Variants in ABLIM1 observed in about 807,000 individuals in gnomAD.
The protein encoded by ABLIM1 is actin binding LIM protein 1.
In ABLIM1, 40 loss-of-function variants were observed where a neutral mutation model predicts 107.0. The observed-to-expected ratio is 0.37, with a 90% CI of 0.29 to 0.49. The LOEUF (loss-of-function observed/expected upper bound fraction) is 0.49, where lower values mean the gene tolerates loss of function less well. ABLIM1 is among the 20% of genes least tolerant of loss of function. The pLI, the probability that ABLIM1 is intolerant of heterozygous loss-of-function variation, is 0.97. For synonymous variants in ABLIM1, 357 were observed against 357.3 expected, an observed-to-expected ratio of 1.00 and a Z score of 0.01; for missense variants, 857 against 1,008.5, an observed-to-expected ratio of 0.85 and a Z score of 2.04.
At chr10:114,638,149 C>T (rs2140892625) in intron 1 of ABLIM1, among the ~76,000 whole-genome samples, 1 of 152,250 alleles carries the variant, frequency 6.6e-6, no homozygotes, top group East Asian at 1.9e-4. Context: ...TACACAAAGG[C>T]ACAAAGTAGG....
intron 7 of ABLIM1, among the ~76,000 whole-genome samples, chr10:114,491,012 G>GTGTGTGTGTGTGTATATATATA: frequency 3.2e-4 from 30 of 92,364 alleles, no homozygotes; most frequent in Middle Eastern, 5.7e-3. Flanking sequence ...GTGTGTGTGT[G>GTGTGTGTGTGTGTATATATATA]TATATATATA....
rs759881485 is a variant in ABLIM1, at chr10:114,465,857, A to G, written c.1312-30T>C. 14 of 1,612,696 alleles carry G rather than the reference A, an allele frequency of 8.7e-6. No homozygotes were observed. The African/African-American group carries it at 1.7e-4, about 20-fold the overall frequency. ...AAACAAAGTTCAACACATTCAGGCTATCACCATGCCTCAGTAGGAACCACG... is the reference window on the plus strand; with the variant it reads ...AAACAAAGTTCAACACATTCAGGCTGTCACCATGCCTCAGTAGGAACCACG... On this transcript the variant is annotated intron_variant, in intron 11 of 22. Coordinates refer to ENST00000533213, the MANE Select transcript of ABLIM1 (RefSeq NM_002313.7).
intron 1 of ABLIM1, among the ~76,000 whole-genome samples, chr10:114,711,158 T>C (rs996270200): frequency 5.3e-5 from 8 of 152,208 alleles, no homozygotes; most frequent in Admixed American, 3.3e-4. Flanking sequence ...GCAAAAGTCA[T>C]CTTATTTCTG....
At chr10:114,732,265 C>T (rs919242522) in intron 1 of ABLIM1, among the ~76,000 whole-genome samples, 26 of 148,658 alleles carry the variant, frequency 1.7e-4, no homozygotes, top group African/African-American at 6.2e-4. Context: ...CTCACTGCAA[C>T]CTCCACCTCC....
At position 114,491,855 on chromosome 10, in the gene ABLIM1, G is replaced by A. The variant is rs1345298142; in HGVS notation, c.918C>T (p.Pro306=). 22 of 1,609,656 alleles carry A rather than the reference G, an allele frequency of 1.4e-5. No individual in the cohort carries two copies. The highest frequency in any genetic ancestry group is 1.9e-5 in the Non-Finnish European group (22 of 1,176,650). ...TGCATCTGCTGCATCGTGCACAGCT[G>A]GGGTGGTAATGTTTGTCACCTGCCT... ...VLEAGDKHYH[P]SCARCSRCNQ... is the part of the protein sequence containing the mutation. The change falls in exon 7 of 23, where the codon CCC becomes CCT. Residue 306 remains proline (P), a synonymous_variant. Transcript: ENST00000533213.
intron 6 of ABLIM1, among the ~76,000 whole-genome samples, chr10:114,499,870 G>GT (rs1227582667): frequency 6.6e-6 from 1 of 152,162 alleles, no homozygotes; most frequent in African/African-American, 2.4e-5. Flanking sequence ...GCGTCTACTG[G>GT]TTTTTTCACC....
intron 1 of ABLIM1, chr10:114,765,090 A>G (rs1457130934): frequency 6.6e-6 from 1 of 152,006 alleles, no homozygotes; most frequent in African/African-American, 2.4e-5. Context: ...TTGGAGATGG[A>G]GTCTCGCTCT....
rs1232991998 is a variant in ABLIM1 at position 114,434,071 on chromosome 10, T to C, written c.*2189A>G. On this transcript the variant is annotated 3_prime_UTR_variant, in exon 23 of 23. Coordinates refer to ENST00000533213, the MANE Select transcript of ABLIM1 (RefSeq NM_002313.7). ...CACACTTTCCAGAGTAAAGCAAGGA[T>C]GAGGACACCCAGGCATTGTGCCAAG... 2 of 152,122 alleles carry C rather than the reference T, an allele frequency of 1.3e-5. No individual in the cohort carries two copies. The highest frequency in any genetic ancestry group is 2.9e-5 in the Non-Finnish European group (2 of 68,040). 9.4% of individuals were successfully genotyped at this position (152,122 alleles called of 1,614,324 possible).
upstream of ABLIM1, among the ~76,000 whole-genome samples, chr10:114,660,783 C>G (rs2079760196): frequency 6.6e-6 from 1 of 152,242 alleles, no homozygotes; most frequent in Non-Finnish European, 1.5e-5. Context: ...GAACATGATA[C>G]AGCCACTTTG....
chr10:114,498,444 C>G (rs1039226475), intron 6 of ABLIM1, among the ~76,000 whole-genome samples: 1 of 152,150 alleles, frequency 6.6e-6, no homozygotes, highest in Admixed American at 6.5e-5. Context: ...CTCCTGGGAA[C>G]AGAAAAAGAG....
chr10:114,684,425 A>G (rs1230839640), exon 1 of ABLIM1: 3 of 1,603,812 alleles, frequency 1.9e-6, no homozygotes, highest in East Asian at 4.5e-5. Flanking sequence ...ACACTCCTCA[A>G]AGGAGAGGCT....
chr10:114,634,378 C>T (rs1202914567), intron 1 of ABLIM1, among the ~76,000 whole-genome samples: 1 of 151,474 alleles, frequency 6.6e-6, no homozygotes, highest in Non-Finnish European at 1.5e-5. Context: ...GTGATCCGCC[C>T]GCCTCGGCCT....
At chr10:114,512,234 T>G (rs2061985954) in intron 6 of ABLIM1, among the ~76,000 whole-genome samples, 1 of 152,182 alleles carries the variant, frequency 6.6e-6, no homozygotes, top group Admixed American at 6.5e-5. Flanking sequence ...ATTAGCGAAC[T>G]GGGGAAAGAA....
upstream of ABLIM1, among the ~76,000 whole-genome samples, chr10:114,663,163 A>G (rs1276235623): frequency 6.6e-6 from 1 of 152,070 alleles, no homozygotes; most frequent in Non-Finnish European, 1.5e-5. Context: ...CCTCCTTCCC[A>G]TTGGAACTTT....
chr10:114,587,375 A>T (rs1428307788), intron 2 of ABLIM1, among the ~76,000 whole-genome samples: 2 of 152,198 alleles, frequency 1.3e-5, no homozygotes, highest in African/African-American at 4.8e-5. Context: ...TCAAAATATC[A>T]TTCTATTCTA....
At chr10:114,645,563 T>C (rs2078977650) in intron 1 of ABLIM1, among the ~76,000 whole-genome samples, 1 of 152,140 alleles carries the variant, frequency 6.6e-6, no homozygotes, top group Non-Finnish European at 1.5e-5. Context: ...CACTTTCATC[T>C]AAAGATAACA....
chr10:114,784,344 T>A, the ABLIM1 span, among the ~76,000 whole-genome samples: 163 of 102,880 alleles, frequency 1.6e-3, no homozygotes, highest in African/African-American at 6.0e-3. Flanking sequence ...AGACTCTGTC[T>A]CAAAAAAAGA....
chr10:114,732,567 G>T (rs1042583534), intron 1 of ABLIM1, among the ~76,000 whole-genome samples: 5 of 152,096 alleles, frequency 3.3e-5, no homozygotes, highest in African/African-American at 4.8e-5. Context: ...AAAAGATTAT[G>T]ATTTTGATGA....
At chr10:114,493,870 C>G (rs917664893) in intron 6 of ABLIM1, among the ~76,000 whole-genome samples, 2 of 152,228 alleles carry the variant, frequency 1.3e-5, no homozygotes, top group South Asian at 4.1e-4. Flanking sequence ...TAAATACCCA[C>G]AGGAATTTTC....
Sources: allele counts gnomAD v4.1 joint callset (sites outside exome capture counted in the v4.1 genomes callset), GRCh38; gene constraint gnomAD v4.1.1; transcripts MANE v1.5; gene names NCBI Gene and HGNC (gene_info 2026-07-23, HGNC 2026-07-21).